The following CLCN7 variants were observed in gnomAD, a reference collection of about 807,000 sequenced individuals.
The protein encoded by CLCN7 is H(+)/Cl(-) exchange transporter 7.
CLCN7 carries 60 observed loss-of-function variants against 102.1 expected under a neutral mutation model. That is an observed-to-expected ratio of 0.59 (90% CI 0.48 to 0.73). The LOEUF is 0.73. CLCN7 is among the 30% of genes least tolerant of loss of function. The pLI is 0.00. For missense variants in CLCN7, 962 were observed against 1,125.7 expected (o/e 0.85, Z 2.08); for synonymous variants, 560 against 490.5 (o/e 1.14, Z -1.87).
chr16:1,455,342 C>T, intron 11 of CLCN7, 92 bp from the exon 12 acceptor site: 1 of 886,780 alleles, frequency 1.1e-6, no homozygotes, highest in South Asian at 1.3e-5. Flanking sequence ...CTCCTGTCAG[C>T]CCCGGGGCCA....
intron 1 of CLCN7, among the ~76,000 whole-genome samples, chr16:1,468,528 T>C (rs945549026): frequency 2.6e-5 from 4 of 152,140 alleles, no homozygotes; most frequent in African/African-American, 4.8e-5. Context: ...TCTTATAAAT[T>C]AAACACTAGA....
rs2038695561 is a variant in CLCN7 at position 1,448,784 on chromosome 16, A to G, written c.1798-18T>C. 1 of 1,609,100 alleles carries G rather than the reference A, an allele frequency of 6.2e-7. No individual in the cohort carries two copies. The highest frequency in any genetic ancestry group is 1.1e-5 in the South Asian group (1 of 91,056). Reference sequence around the variant, plus strand: ...TACAGGCCCTGCGGGCGGGGCGGGAACACAGGGCTTGAGGAGTCCACACCC... The same window carrying G: ...TACAGGCCCTGCGGGCGGGGCGGGAGCACAGGGCTTGAGGAGTCCACACCC... On this transcript the variant is annotated intron_variant, in intron 19 of 24. Transcript: ENST00000382745.
intron 1 of CLCN7, chr16:1,471,763 C>T (rs1460541817): frequency 6.6e-6 from 1 of 152,300 alleles, no homozygotes; most frequent in African/African-American, 2.4e-5. Context: ...GCTCAGAGCA[C>T]AAACGCCTGG....
intron 17 of CLCN7, chr16:1,450,227 C>T (rs1337578737): frequency 3.8e-6 from 2 of 524,720 alleles, no homozygotes; most frequent in Non-Finnish European, 7.0e-6. Context: ...TGCTTTTCAT[C>T]ACATTCTCAA....
intron 17 of CLCN7, 93 bp downstream of exon 17, chr16:1,450,404 T>C: frequency 2.4e-6 from 3 of 1,235,248 alleles, no homozygotes; most frequent in East Asian, 2.5e-5. Context: ...TGCGACACTT[T>C]TGTCCTGCCC....
intron 1 of CLCN7, among the ~76,000 whole-genome samples, chr16:1,468,221 A>G (rs182359810): frequency 6.6e-6 from 1 of 152,326 alleles, no homozygotes; most frequent in African/African-American, 2.4e-5. Flanking sequence ...AGAGCCGCAC[A>G]TGCATTCAGG....
In CLCN7 at chr16:1,446,897, G is replaced by A. The variant is rs561072921; in HGVS notation, c.2331+109C>T. ...GCCATGGGGCATGGGCCGACTCGGT[G>A]CTGGGTCCTGTGCTTCCGTGTCCCC... On this transcript the variant is annotated intron_variant, in intron 24 of 24. Coordinates refer to ENST00000382745, the MANE Select transcript of CLCN7 (RefSeq NM_001287.6). The A allele has an allele frequency of 1.3e-4, 156 of 1,200,712 alleles. No homozygotes were observed. In the Middle Eastern group the frequency reaches 2.3e-3, roughly 18 times the overall value. 74.4% of individuals were successfully genotyped at this position (1,200,712 alleles called of 1,614,324 possible). A position where few individuals can be genotyped will look rare whatever the true frequency, so the allele number is the denominator to read the frequency against.
At chr16:1,450,693 C>CGG (rs376928877) in intron 16 of CLCN7, 27 bp from the exon 17 acceptor site, 607 of 1,534,532 alleles carry the variant, frequency 4.0e-4, no homozygotes, top group Non-Finnish European at 4.8e-4. Flanking sequence ...GCTGACGGGG[C>CGG]CTCCACGACT....
rs1325390313 is a variant in CLCN7, at chr16:1,474,820, C to G, written c.141+14G>C. ...AGGGCTCAGTTTCCCCGCCTGCGCC[C>G]TGCCCGGCCTCACCTGGCGCGCAGC... On this transcript the variant is annotated intron_variant, in intron 1 of 24. Coordinates refer to ENST00000382745, the MANE Select transcript of CLCN7 (RefSeq NM_001287.6). The G allele has an allele frequency of 7.5e-7, 1 of 1,329,764 alleles. No individual in the cohort carries two copies. The highest frequency in any genetic ancestry group is 9.6e-7 in the Non-Finnish European group (1 of 1,040,020). The allele number at this position is 1,329,764 out of a possible 1,614,324, so 82.4% of individuals were successfully genotyped here. A position where few individuals can be genotyped will look rare whatever the true frequency, so the allele number is the denominator to read the frequency against.
intron 9 of CLCN7, 114 bp from the exon 10 acceptor site, chr16:1,456,320 C>T (rs190439531): frequency 6.5e-5 from 50 of 772,368 alleles, no homozygotes; most frequent in Non-Finnish European, 9.2e-5. Flanking sequence ...TCAGGACAAC[C>T]GAGTCAGCAG....
rs955127068 is a variant in CLCN7 at position 1,450,591 on chromosome 16, G to A, written c.1523C>T (p.Thr508Met). ...CGGGATGAAGACCCCGGCAGACACCGTGAGCCCGTAGGTCCAGCAGGCCAG... is the reference window on the plus strand; with the variant it reads ...CGGGATGAAGACCCCGGCAGACACCATGAGCCCGTAGGTCCAGCAGGCCAG... ...FFLACWTYGL[T>M]VSAGVFIPSL... The change falls in exon 17 of 25, where the codon ACG (threonine) becomes ATG (methionine). Residue 508 changes from threonine to methionine, a missense_variant. By Grantham distance (81) the Thr-to-Met change is moderately conservative. This residue lies in a region of CLCN7 where 799 missense variants were observed against 988.0 expected (regional missense o/e 0.81). Transcript: ENST00000382745. 6.8e-6 allele frequency: 11 copies of A among 1,612,306 alleles called. No individual in the cohort carries two copies. The highest frequency in any genetic ancestry group is 2.7e-5 in the African/African-American group (2 of 74,926).
chr16:1,469,194 A>T (rs1041638930), intron 1 of CLCN7, among the ~76,000 whole-genome samples: 4 of 152,128 alleles, frequency 2.6e-5, no homozygotes, highest in African/African-American at 9.7e-5. Flanking sequence ...CAACAGAGCA[A>T]GACCCTGTCT....
intron 15 of CLCN7, 25 bp from the exon 16 acceptor site, chr16:1,451,741 G>A (rs767074965): frequency 6.9e-6 from 11 of 1,590,542 alleles, no homozygotes; most frequent in East Asian, 2.2e-5. Context: ...GAGAGCACAC[G>A]TTGGGAGGGG....
At position 1,449,011 on chromosome 16, in the gene CLCN7, C is replaced by T. The variant is rs779900843; in HGVS notation, c.1752G>A (p.Met584Ile). The change falls in exon 19 of 25, where the codon ATG becomes ATA. Residue 584 changes from methionine (M) to isoleucine (I), a missense_variant. Met to Ile is a conservative substitution (Grantham distance 10). Coordinates refer to ENST00000382745, the MANE Select transcript of CLCN7 (RefSeq NM_001287.6). ...CGATCTTGGCGGTCATGAGCACCAG[C>T]ATGATGGGGAAGCCGTAGGTCACGT... ...TSNVTYGFPIMLVLMTAKIVG... is the reference protein window; with the variant it reads ...TSNVTYGFPIILVLMTAKIVG... 1 of 1,612,836 alleles carries T rather than the reference C, an allele frequency of 6.2e-7. No individual in the cohort carries two copies. Among genetic ancestry groups the T allele is most frequent in the East Asian group, 2.2e-5 (1 of 44,882 alleles).
intron 17 of CLCN7, 81 bp from the exon 18 acceptor site, chr16:1,449,408 C>G (rs1405948656): frequency 2.9e-6 from 4 of 1,363,730 alleles, no homozygotes; most frequent in African/African-American, 2.9e-5. Context: ...GGAGGCCCTG[C>G]CCAGGCCCAG....
chr16:1,464,436 A>C (rs939512128), intron 2 of CLCN7, among the ~76,000 whole-genome samples: 3 of 152,234 alleles, frequency 2.0e-5, no homozygotes, highest in Non-Finnish European at 2.9e-5. Context: ...GCCACGAAAC[A>C]GATCTTCCGA....
intron 9 of CLCN7, among the ~76,000 whole-genome samples, chr16:1,456,959 A>G (rs1596219866): frequency 6.6e-6 from 1 of 152,258 alleles, no homozygotes; most frequent in South Asian, 2.1e-4. Context: ...ACAGGTGGGC[A>G]CACTTGGTCT....
At chr16:1,452,101 T>C (rs1292659912) in intron 15 of CLCN7, 2 of 326,348 alleles carry the variant, frequency 6.1e-6, no homozygotes, top group African/African-American at 4.3e-5. Flanking sequence ...CAGAGCCTCC[T>C]GGGCTCCAGC....
In CLCN7 at chr16:1,446,573, G is replaced by A. The variant is rs749147014; in HGVS notation, c.*58C>T. On this transcript the variant is annotated 3_prime_UTR_variant, in exon 25 of 25. Transcript: ENST00000382745. Reference sequence around the variant, plus strand: ...GGCCGAGAAACCAGTGACTCCGGGAGGAAATGCAGAAGGGCCGGGGTGCCA... The same window carrying A: ...GGCCGAGAAACCAGTGACTCCGGGAAGAAATGCAGAAGGGCCGGGGTGCCA... 4.9e-6 allele frequency: 7 copies of A among 1,423,252 alleles called. No individual in the cohort carries two copies. The African/African-American group carries it at 8.5e-5, about 17-fold the overall frequency. The allele number at this position is 1,423,252 out of a possible 1,614,324, so 88.2% of individuals were successfully genotyped here. A position where few individuals can be genotyped will look rare whatever the true frequency, so the allele number is the denominator to read the frequency against.
Sources: gnomAD v4.1 joint callset for allele counts (sites outside exome capture counted in the v4.1 genomes callset) on GRCh38, gnomAD v4.1.1 for gene constraint, gnomAD v4.1.1 regional missense constraint, MANE v1.5 for transcripts, NCBI Gene and HGNC (gene_info 2026-07-23, HGNC 2026-07-21) for gene names.